Variants in PTPRK observed in about 807,000 individuals in gnomAD.
The protein encoded by PTPRK is protein tyrosine phosphatase receptor type K.
Under a neutral mutation model 178.0 loss-of-function variants are expected in PTPRK, and 75 were observed. The ratio of observed to expected loss-of-function variants is 0.42; its 90% CI spans 0.35 to 0.51. The LOEUF is 0.51. PTPRK is among the 20% of genes least tolerant of loss of function. PTPRK has a pLI of 0.02. For synonymous variants in PTPRK, 637 were observed against 620.6 expected, an observed-to-expected ratio of 1.03 and a Z score of -0.39; for missense variants, 1,441 against 1,797.8, an observed-to-expected ratio of 0.80 and a Z score of 3.59.
intron 1 of PTPRK, among the ~76,000 whole-genome samples, chr6:128,453,030 T>C (rs1209915392): frequency 6.6e-6 from 1 of 152,206 alleles, no homozygotes; most frequent in Non-Finnish European, 1.5e-5. Context: ...CCTGCAGATT[T>C]AGCGATTAAA....
intron 1 of PTPRK, among the ~76,000 whole-genome samples, chr6:128,411,443 G>A (rs1842301037): frequency 6.6e-6 from 1 of 152,184 alleles, no homozygotes; most frequent in African/African-American, 2.4e-5. Flanking sequence ...GAGAAAGTAG[G>A]TGGGGCCTTA....
intron 13 of PTPRK, among the ~76,000 whole-genome samples, chr6:128,034,556 G>GA (rs1323562783): frequency 1.3e-5 from 2 of 151,880 alleles, no homozygotes; most frequent in Non-Finnish European, 2.9e-5. Context: ...GATACAGGGG[G>GA]AAAAAAATCA....
At chr6:127,986,168 C>T (rs1297048593) in intron 21 of PTPRK, among the ~76,000 whole-genome samples, 1 of 152,048 alleles carries the variant, frequency 6.6e-6, no homozygotes, top group East Asian at 1.9e-4. Flanking sequence ...CTGGGAGTGA[C>T]AACACATTAA....
rs1401846342 is a variant in PTPRK, at chr6:127,969,579, G to A, written c.*648C>T. The A allele has an allele frequency of 6.6e-6, 1 of 152,036 alleles. No homozygotes were observed. Among genetic ancestry groups the A allele is most frequent in the Non-Finnish European group, 1.5e-5 (1 of 68,000 alleles). 9.4% of individuals were successfully genotyped at this position (152,036 alleles called of 1,614,324 possible). ...ATGATTGTGTGGTGGTAGTATTTTA[G>A]CCATCAAAAAAGGAATGTAAGTAAC... On this transcript the variant is annotated 3_prime_UTR_variant, in exon 30 of 30. Transcript: ENST00000368226.
At chr6:128,095,110 T>C (rs780294387) in intron 7 of PTPRK, among the ~76,000 whole-genome samples, 39 of 151,644 alleles carry the variant, frequency 2.6e-4, no homozygotes, top group Admixed American at 5.3e-4. Context: ...AAAAAAAGAA[T>C]TGAATGAAAG....
intron 1 of PTPRK, among the ~76,000 whole-genome samples, chr6:128,397,965 GC>G (rs764301722): frequency 5.3e-5 from 8 of 152,190 alleles, no homozygotes; most frequent in Admixed American, 4.6e-4. Flanking sequence ...CATAAGTCAG[GC>G]TTTCTTGAAA....
intron 1 of PTPRK, among the ~76,000 whole-genome samples, chr6:128,487,569 C>T (rs184892320): frequency 3.9e-5 from 6 of 151,976 alleles, no homozygotes; most frequent in South Asian, 4.2e-4. Flanking sequence ...CATTCCAGGG[C>T]GGGTCCAGCA....
chr6:128,508,392 G>T (rs1856674060), intron 1 of PTPRK, among the ~76,000 whole-genome samples: 1 of 150,594 alleles, frequency 6.6e-6, no homozygotes, highest in Non-Finnish European at 1.5e-5. Flanking sequence ...AAACCAGGCA[G>T]AACAGCTTAG....
intron 3 of PTPRK, among the ~76,000 whole-genome samples, chr6:128,305,283 T>A (rs1826210172): frequency 6.6e-6 from 1 of 152,178 alleles, no homozygotes; most frequent in Non-Finnish European, 1.5e-5. Context: ...TTTTTCTTCT[T>A]TACATGAATC....
intron 1 of PTPRK, among the ~76,000 whole-genome samples, chr6:128,503,151 A>G (rs1855807350): frequency 6.6e-6 from 1 of 152,204 alleles, no homozygotes; most frequent in Non-Finnish European, 1.5e-5. Flanking sequence ...ACTTGAAGCC[A>G]GGAGGCAGAG....
chr6:128,226,448 A>G (rs1384326161), intron 5 of PTPRK, among the ~76,000 whole-genome samples: 1 of 152,146 alleles, frequency 6.6e-6, no homozygotes, highest in African/African-American at 2.4e-5. Flanking sequence ...TTGTGAAGGC[A>G]TTTTGTGAAT....
Position 128,048,311 on chromosome 6 carries a change from TTC to T in PTPRK, c.2194+16445_2194+16446del, listed in dbSNP as rs569221939. Among the ~76,000 whole-genome samples the T allele has an allele frequency of 4.3e-3, 659 of 152,256 alleles. 10 individuals carry two copies. The highest frequency in any genetic ancestry group is 0.015 in the African/African-American group (610 of 41,546). On this transcript the variant is annotated intron_variant, in intron 13 of 29. Coordinates refer to ENST00000368226, the MANE Select transcript of PTPRK (RefSeq NM_002844.4). ...ATCTGCTTAACAAGCCCCCAAGTGATTCTGACTTAAGCTTAACTTTGAGAAGA... is the reference window on the plus strand; with the variant it reads ...ATCTGCTTAACAAGCCCCCAAGTGATTGACTTAAGCTTAACTTTGAGAAGA...
At chr6:127,978,702 G>A (rs149844040) in intron 25 of PTPRK, among the ~76,000 whole-genome samples, 2 of 152,294 alleles carry the variant, frequency 1.3e-5, no homozygotes, top group African/African-American at 4.8e-5. Context: ...TTGAGCCACA[G>A]GGGAGGGGAT....
At chr6:128,342,438 T>A (rs565957302) in intron 2 of PTPRK, among the ~76,000 whole-genome samples, 2 of 152,074 alleles carry the variant, frequency 1.3e-5, no homozygotes, top group Non-Finnish European at 2.9e-5. Context: ...AAGCCAATTC[T>A]ACAAAAAATT....
chr6:128,160,258 T>G (rs185026172), intron 7 of PTPRK, among the ~76,000 whole-genome samples: 56 of 151,730 alleles, frequency 3.7e-4, no homozygotes, highest in African/African-American at 1.3e-3. Context: ...AACTGATTCT[T>G]AGAGGGGACA....
At chr6:128,137,894 T>C (rs1005133749) in intron 7 of PTPRK, among the ~76,000 whole-genome samples, 2 of 152,112 alleles carry the variant, frequency 1.3e-5, no homozygotes, top group East Asian at 1.9e-4. Context: ...CAAGTAATAA[T>C]ACAAATAAAT....
intron 6 of PTPRK, among the ~76,000 whole-genome samples, chr6:128,200,852 G>A (rs1805781733): frequency 7.5e-6 from 1 of 132,962 alleles, no homozygotes; most frequent in Admixed American, 7.7e-5. Context: ...GAGGAGGGGG[G>A]GAGGAGGAGG....
In PTPRK at chr6:128,219,073, T is replaced by C; in HGVS notation, c.717A>G (p.Pro239=). The C allele has an allele frequency of 1.2e-6, 2 of 1,613,608 alleles. No homozygotes were observed. Among genetic ancestry groups the C allele is most frequent in the Non-Finnish European group, 1.7e-6 (2 of 1,179,694 alleles). The change falls in exon 6 of 30, where the codon CCA becomes CCG. Residue 239 remains proline (P), a synonymous_variant. Transcript: ENST00000368226. ...WLQRRNGEDI[P]VAQTKNINHR... ...GATTGATGTTCTTAGTCTGGGCTAC[T>C]GGTATATCTTCTCCATTTCGTCTCT...
chr6:128,007,561 T>C (rs2114713253), intron 14 of PTPRK, among the ~76,000 whole-genome samples: 1 of 151,134 alleles, frequency 6.6e-6, no homozygotes, highest in Non-Finnish European at 1.5e-5. Flanking sequence ...AAATCTTGCT[T>C]AGTGATGGTT....
Sources: gnomAD v4.1 joint callset for allele counts (sites outside exome capture counted in the v4.1 genomes callset) on GRCh38, gnomAD v4.1.1 for gene constraint, MANE v1.5 for transcripts, NCBI Gene and HGNC (gene_info 2026-07-23, HGNC 2026-07-21) for gene names.